RAPGEF6: variants seen among roughly 807,000 people sequenced by gnomAD.
RAPGEF6 encodes PDZ domain containing guanine nucleotide exchange factor (GEF) 2.
In RAPGEF6, 56 loss-of-function variants were observed where a neutral mutation model predicts 171.4. The ratio of observed to expected loss-of-function variants is 0.33; its 90% CI spans 0.26 to 0.41. The LOEUF (loss-of-function observed/expected upper bound fraction) is 0.41. Ranked by LOEUF, RAPGEF6 falls within the 10% of genes least tolerant of loss-of-function variation. RAPGEF6 has a pLI of 1.00. For missense variants in RAPGEF6, 1,674 were observed against 1,921.4 expected, an observed-to-expected ratio of 0.87 and a Z score of 2.41; for synonymous variants, 692 against 650.1, an observed-to-expected ratio of 1.06 and a Z score of -0.98.
intron 6 of RAPGEF6, among the ~76,000 whole-genome samples, chr5:131,528,984 A>AG (rs1759180262): frequency 6.6e-6 from 1 of 152,158 alleles, no homozygotes; most frequent in Non-Finnish European, 1.5e-5. Context: ...CACCTCAAAG[A>AG]AGGAAATAGA....
chr5:131,600,892 G>A (rs528959788), intron 3 of RAPGEF6, among the ~76,000 whole-genome samples: 29 of 151,746 alleles, frequency 1.9e-4, no homozygotes, highest in Admixed American at 1.9e-3. Flanking sequence ...TTTAAAACAG[G>A]ACACAAAAGG....
chr5:131,551,703 G>A (rs1027571939), intron 5 of RAPGEF6, among the ~76,000 whole-genome samples: 11 of 151,938 alleles, frequency 7.2e-5, no homozygotes. Flanking sequence ...GCAATGCAGA[G>A]ATTTAAACAA....
At chr5:131,446,777 A>ATT in intron 21 of RAPGEF6, 74 bp from the exon 22 acceptor site, 1 of 1,369,956 alleles carries the variant, frequency 7.3e-7, no homozygotes, top group Non-Finnish European at 1.0e-6. Context: ...AGATTAAAAG[A>ATT]TTTTGTTCTG....
chr5:131,571,788 G>C (rs1347365385), intron 4 of RAPGEF6, among the ~76,000 whole-genome samples: 1 of 152,122 alleles, frequency 6.6e-6, no homozygotes. Flanking sequence ...CGAAGTTGGA[G>C]GATCCATACT....
chr5:131,574,702 ACCCGATTCAAGGCCT>A (rs879682488), intron 4 of RAPGEF6, among the ~76,000 whole-genome samples: 1 of 151,796 alleles, frequency 6.6e-6, no homozygotes, highest in Non-Finnish European at 1.5e-5. Context: ...CTGCCCTTTT[ACCCGATTCAAGGCCT>A]CCTTTGAATC....
chr5:131,458,408 C>T (rs928952437), intron 19 of RAPGEF6, among the ~76,000 whole-genome samples: 2 of 152,188 alleles, frequency 1.3e-5, no homozygotes, highest in African/African-American at 2.4e-5. Context: ...TTCCTAAGGC[C>T]TCCCCAGACA....
At chr5:131,440,914 T>C (rs893865653) in intron 23 of RAPGEF6, among the ~76,000 whole-genome samples, 1 of 152,120 alleles carries the variant, frequency 6.6e-6, no homozygotes, top group East Asian at 1.9e-4. Context: ...TTCATTTCCA[T>C]AGCCACCAAA....
chr5:131,602,957 C>T, intron 3 of RAPGEF6, among the ~76,000 whole-genome samples: 1 of 152,128 alleles, frequency 6.6e-6, no homozygotes, highest in East Asian at 1.9e-4. Context: ...ATACCAAGTT[C>T]AATAAGTGGC....
rs747098736 is a variant in RAPGEF6, at chr5:131,483,866, C to T, written c.1841-4113G>A. Among the ~76,000 whole-genome samples the T allele has an allele frequency of 3.3e-5, 5 of 151,790 alleles. No homozygotes were observed. In the East Asian group the frequency reaches 7.8e-4, roughly 24 times the overall value. Reference sequence around the variant, plus strand: ...CTGTAATCCCAGCACTCTGGGAGGCCGAGGCAGGTGGATCATGAGGTCAGG... The same window carrying T: ...CTGTAATCCCAGCACTCTGGGAGGCTGAGGCAGGTGGATCATGAGGTCAGG... On this transcript the variant is annotated intron_variant, in intron 15 of 27. Coordinates refer to ENST00000509018, the MANE Select transcript of RAPGEF6 (RefSeq NM_016340.6).
At chr5:131,586,242 A>G (rs1375581299) in intron 4 of RAPGEF6, among the ~76,000 whole-genome samples, 1 of 152,232 alleles carries the variant, frequency 6.6e-6, no homozygotes, top group Non-Finnish European at 1.5e-5. Flanking sequence ...TATTTCCAAC[A>G]AAAATAACCA....
At chr5:131,540,382 C>T (rs1218480378) in intron 6 of RAPGEF6, among the ~76,000 whole-genome samples, 2 of 152,108 alleles carry the variant, frequency 1.3e-5, no homozygotes, top group African/African-American at 4.8e-5. Context: ...GCCTGGGAAA[C>T]AGCAAGACAC....
chr5:131,468,098 T>C (rs891576476), intron 17 of RAPGEF6, among the ~76,000 whole-genome samples: 102 of 150,792 alleles, frequency 6.8e-4, no homozygotes, highest in African/African-American at 2.3e-3. Context: ...GAGGCCGAGG[T>C]GGGCGGATCA....
intron 5 of RAPGEF6, among the ~76,000 whole-genome samples, chr5:131,558,794 T>C (rs923487407): frequency 1.3e-5 from 2 of 152,212 alleles, no homozygotes; most frequent in African/African-American, 4.8e-5. Context: ...ATTAATTTCA[T>C]GGTGGTCAGA....
intron 1 of RAPGEF6, among the ~76,000 whole-genome samples, chr5:131,625,747 T>C (rs1765881317): frequency 6.8e-6 from 1 of 146,858 alleles, no homozygotes; most frequent in Non-Finnish European, 1.5e-5. Context: ...ACCCGGGAGG[T>C]GGAGCTTGCA....
chr5:131,511,950 A>G (rs749981215), intron 7 of RAPGEF6, among the ~76,000 whole-genome samples: 2 of 152,194 alleles, frequency 1.3e-5, no homozygotes, highest in Non-Finnish European at 2.9e-5. Flanking sequence ...GAAGCAGAGC[A>G]TCCTTTCTTA....
At chr5:131,476,085 T>C (rs922283549) in intron 16 of RAPGEF6, among the ~76,000 whole-genome samples, 1 of 152,190 alleles carries the variant, frequency 6.6e-6, no homozygotes, top group African/African-American at 2.4e-5. Flanking sequence ...AACTATGCCT[T>C]CCAAAAACCA....
At chr5:131,524,593 G>A (rs980770291) in intron 6 of RAPGEF6, among the ~76,000 whole-genome samples, 10 of 122,166 alleles carry the variant, frequency 8.2e-5, no homozygotes, top group African/African-American at 2.5e-4. Context: ...GGGAGAGGGA[G>A]GGGGGAGAGA....
chr5:131,575,129 C>T lies in RAPGEF6; in HGVS notation c.282-13082G>A, dbSNP rs551518467. On this transcript the variant is annotated intron_variant, in intron 4 of 27. Coordinates refer to ENST00000509018, the MANE Select transcript of RAPGEF6 (RefSeq NM_016340.6). The stretch of plus-strand genomic sequence containing the variant: ...CTGTCCTCGACCTCAAAGATGCTTT[C>T]TTCACTATTCCTTTGCACCCCTCAT... Among the ~76,000 whole-genome samples the T allele has an allele frequency of 1.4e-4, 22 of 152,286 alleles. No individual in the cohort carries two copies. The South Asian group carries it at 4.6e-3, about 32-fold the overall frequency.
intron 24 of RAPGEF6, among the ~76,000 whole-genome samples, chr5:131,439,301 G>T (rs1010288447): frequency 1.3e-5 from 2 of 152,148 alleles, no homozygotes; most frequent in African/African-American, 2.4e-5. Context: ...ATAACACCAA[G>T]AATTTGCACC....
Sources: allele counts gnomAD v4.1 joint callset (sites outside exome capture counted in the v4.1 genomes callset), GRCh38; gene constraint gnomAD v4.1.1; transcripts MANE v1.5; gene names NCBI Gene and HGNC (gene_info 2026-07-23, HGNC 2026-07-21).